The following CACNA2D3 variants were observed in gnomAD, a reference collection of about 807,000 sequenced individuals.
CACNA2D3 encodes the protein voltage-dependent calcium channel subunit alpha-2/delta-3.
Under a neutral mutation model 160.6 loss-of-function variants are expected in CACNA2D3, and 60 were observed. The observed-to-expected ratio is 0.37, with a 90% CI of 0.30 to 0.46. The LOEUF (loss-of-function observed/expected upper bound fraction) is 0.46. CACNA2D3 is among the 20% of genes least tolerant of loss of function. CACNA2D3 has a pLI of 1.00. For synonymous variants in CACNA2D3, 558 were observed against 492.9 expected (o/e 1.13, Z -1.75); for missense variants, 1,205 against 1,365.0 (o/e 0.88, Z 1.85).
chr3:54,966,803 A>C (rs988208245), intron 27 of CACNA2D3: 2 of 152,270 alleles, frequency 1.3e-5, no homozygotes, highest in Admixed American at 1.3e-4. Flanking sequence ...TGGACAGCAG[A>C]GTGAGATTCT....
intron 4 of CACNA2D3, among the ~76,000 whole-genome samples, chr3:54,457,009 A>G (rs1700410619): frequency 6.6e-6 from 1 of 150,882 alleles, no homozygotes; most frequent in South Asian, 2.1e-4. Flanking sequence ...CTAATGGTTT[A>G]TTAATTTTGT....
chr3:54,198,156 G>A (rs570923287), intron 2 of CACNA2D3, among the ~76,000 whole-genome samples: 1 of 152,304 alleles, frequency 6.6e-6, no homozygotes, highest in East Asian at 1.9e-4. Context: ...TAACAAGGAC[G>A]GGAGCAAACC....
chr3:55,068,220 C>A (rs1395884742), intron 35 of CACNA2D3, among the ~76,000 whole-genome samples: 3 of 152,216 alleles, frequency 2.0e-5, no homozygotes, highest in East Asian at 1.9e-4. Context: ...TCCTGAGCAG[C>A]CACACATTTA....
intron 2 of CACNA2D3, among the ~76,000 whole-genome samples, chr3:54,215,694 T>G (rs1421370850): frequency 6.6e-6 from 1 of 152,158 alleles, no homozygotes; most frequent in Non-Finnish European, 1.5e-5. Flanking sequence ...TAGAACAGGC[T>G]TTCACATGGA....
At chr3:54,407,957 A>G (rs1699604954) in intron 4 of CACNA2D3, among the ~76,000 whole-genome samples, 1 of 152,130 alleles carries the variant, frequency 6.6e-6, no homozygotes, top group Non-Finnish European at 1.5e-5. Flanking sequence ...CTCACATACT[A>G]TGATTCATTC....
At chr3:54,788,486 C>T (rs776672069) in intron 13 of CACNA2D3, among the ~76,000 whole-genome samples, 45 of 152,124 alleles carry the variant, frequency 3.0e-4, no homozygotes, top group African/African-American at 7.7e-4. Context: ...AGGAGCCAGT[C>T]GGAGGTGTCC....
At chr3:54,312,775 A>G (rs1044752008) in intron 2 of CACNA2D3, among the ~76,000 whole-genome samples, 1 of 152,182 alleles carries the variant, frequency 6.6e-6, no homozygotes, top group Non-Finnish European at 1.5e-5. Flanking sequence ...TGTGACAGAG[A>G]GAATACAAAG....
At chr3:54,865,673 C>A (rs1021168727) in intron 17 of CACNA2D3, among the ~76,000 whole-genome samples, 1 of 152,238 alleles carries the variant, frequency 6.6e-6, no homozygotes, top group African/African-American at 2.4e-5. Flanking sequence ...AAACAAGATA[C>A]TGTTATGAAC....
intron 31 of CACNA2D3, among the ~76,000 whole-genome samples, chr3:54,993,786 C>G (rs565840168): frequency 1.5e-4 from 23 of 151,644 alleles, no homozygotes; most frequent in African/African-American, 4.8e-4. Flanking sequence ...AGGAAATGGA[C>G]TGCTCTCGTC....
At chr3:54,510,134 GATGGATGAATGGATGGATGA>G (rs1701436929) in intron 5 of CACNA2D3, among the ~76,000 whole-genome samples, 1 of 152,016 alleles carries the variant, frequency 6.6e-6, no homozygotes, top group South Asian at 2.1e-4. Context: ...TAGGTAGATG[GATGGATGAATGGATGGATGA>G]ATGGATGAAG....
At chr3:54,238,770 T>C (rs1489924634) in intron 2 of CACNA2D3, among the ~76,000 whole-genome samples, 1 of 152,174 alleles carries the variant, frequency 6.6e-6, no homozygotes, top group Admixed American at 6.5e-5. Context: ...TCTAATGCAG[T>C]TTAATCTGCC....
chr3:54,437,343 A>G (rs898167221), intron 4 of CACNA2D3, among the ~76,000 whole-genome samples: 1 of 152,248 alleles, frequency 6.6e-6, no homozygotes, highest in African/African-American at 2.4e-5. Flanking sequence ...CAGGCAATGC[A>G]CAATGGGCAT....
intron 2 of CACNA2D3, among the ~76,000 whole-genome samples, chr3:54,126,920 T>A (rs1453406833): frequency 6.6e-6 from 1 of 152,172 alleles, no homozygotes; most frequent in Non-Finnish European, 1.5e-5. Context: ...CTTTGTTTGG[T>A]TCTTTTGGGG....
intron 2 of CACNA2D3, among the ~76,000 whole-genome samples, chr3:54,238,423 A>G (rs1701921105): frequency 6.6e-6 from 1 of 152,208 alleles, no homozygotes; most frequent in African/African-American, 2.4e-5. Context: ...GGCTCCTATA[A>G]TTGCTTTTTA....
chr3:54,437,927 A>G (rs1700084399), intron 4 of CACNA2D3, among the ~76,000 whole-genome samples: 1 of 152,224 alleles, frequency 6.6e-6, no homozygotes, highest in Non-Finnish European at 1.5e-5. Flanking sequence ...GGGTGGGCAG[A>G]CAGTATGGAT....
At chr3:54,979,947 C>T (rs1702471072) in intron 29 of CACNA2D3, among the ~76,000 whole-genome samples, 1 of 152,172 alleles carries the variant, frequency 6.6e-6, no homozygotes, top group Non-Finnish European at 1.5e-5. Flanking sequence ...CCAAATCTTA[C>T]ATAACAATTA....
chr3:54,575,433 T>G (rs1702564306), intron 8 of CACNA2D3, among the ~76,000 whole-genome samples: 1 of 152,228 alleles, frequency 6.6e-6, no homozygotes, highest in African/African-American at 2.4e-5. Context: ...TTTTCTGGCT[T>G]TGTTCCTAGT....
chr3:54,610,661 T>C (rs896847033), intron 9 of CACNA2D3, among the ~76,000 whole-genome samples: 1 of 152,132 alleles, frequency 6.6e-6, no homozygotes, highest in Non-Finnish European at 1.5e-5. Flanking sequence ...TTCACTCTCG[T>C]CACCCAGGCT....
At chr3:54,241,955 T>C (rs774804958) in intron 2 of CACNA2D3, among the ~76,000 whole-genome samples, 2 of 152,192 alleles carry the variant, frequency 1.3e-5, no homozygotes, top group African/African-American at 2.4e-5. Context: ...GTTTGTATAG[T>C]AGTTCCTCTT....
Sources: allele counts gnomAD v4.1 joint callset (sites outside exome capture counted in the v4.1 genomes callset), GRCh38; gene constraint gnomAD v4.1.1; transcripts MANE v1.5; gene names NCBI Gene and HGNC (gene_info 2026-07-23, HGNC 2026-07-21).